The following SCN2A variants were observed in gnomAD, a reference collection of about 807,000 sequenced individuals.
The protein encoded by SCN2A is sodium voltage-gated channel alpha subunit 2, also known as sodium channel protein type 2 subunit alpha.
Under a neutral mutation model 188.7 loss-of-function variants are expected in SCN2A, and 20 were observed. That is an observed-to-expected ratio of 0.11 (90% CI 0.07 to 0.15). The LOEUF is 0.15. Among genes scored for constraint, SCN2A ranks in the 10% least tolerant of loss-of-function variants. The probability of loss-of-function intolerance (pLI) is 1.00; values close to 1 mark genes in which losing one functional copy is unlikely to be tolerated. For missense variants in SCN2A, 1,278 were observed against 2,445.0 expected (o/e 0.52, Z 10.07); for synonymous variants, 804 against 833.1 (o/e 0.97, Z 0.60).
intron 16 of SCN2A, among the ~76,000 whole-genome samples, chr2:165,353,514 A>G (rs773156454): frequency 8.5e-5 from 13 of 152,140 alleles, no homozygotes; most frequent in African/African-American, 3.1e-4. Context: ...AATACCTGAG[A>G]CTGGGTAATT....
chr2:165,361,990 T>A (rs1390757243), intron 17 of SCN2A, among the ~76,000 whole-genome samples: 2 of 152,074 alleles, frequency 1.3e-5, no homozygotes, highest in Non-Finnish European at 2.9e-5. Context: ...TGTATTCTTT[T>A]GAATGTGAAA....
chr2:165,358,647 A>C (rs1475898061), intron 17 of SCN2A, among the ~76,000 whole-genome samples: 1 of 152,052 alleles, frequency 6.6e-6, no homozygotes, highest in Non-Finnish European at 1.5e-5. Context: ...CCTTCTAAAA[A>C]TAGATTTAGA....
At chr2:165,294,563 T>C (rs1212962310) in intron 1 of SCN2A, among the ~76,000 whole-genome samples, 2 of 151,578 alleles carry the variant, frequency 1.3e-5, no homozygotes, top group Non-Finnish European at 2.9e-5. Context: ...CACATTTCAC[T>C]CTTAGAAAAT....
Position 165,323,184 on chromosome 2 carries a change from T to C in SCN2A, c.1700T>C (p.Phe567Ser). 2 of 1,614,188 alleles carry C rather than the reference T, an allele frequency of 1.2e-6. No homozygotes were observed. The highest frequency in any genetic ancestry group is 1.3e-5 in the African/African-American group (1 of 75,042). The change falls in exon 12 of 27, where the codon TTC (phenylalanine) becomes TCC (serine). Residue 567 changes from phenylalanine to serine, a missense_variant. Phe to Ser is a radical substitution (Grantham distance 155, BLOSUM62 -2). This residue lies in a region of SCN2A where 315 missense variants were observed against 386.6 expected (regional missense o/e 0.81). Coordinates refer to ENST00000375437, the MANE Select transcript of SCN2A (RefSeq NM_001040142.2). ...TTACTGAGCATCCGTGGCTCCCTTT[T>C]CTCTCCAAGACGCAACAGTAGGGCG... ...QSLLSIRGSL[F>S]SPRRNSRASL...
At chr2:165,252,689 G>A (rs1181845099) in intron 1 of SCN2A, among the ~76,000 whole-genome samples, 1 of 152,000 alleles carries the variant, frequency 6.6e-6, no homozygotes, top group Non-Finnish European at 1.5e-5. Flanking sequence ...TACAAGGTGG[G>A]GAAAGGGCAA....
At chr2:165,281,136 A>G (rs1187894987) in intron 1 of SCN2A, among the ~76,000 whole-genome samples, 1 of 152,118 alleles carries the variant, frequency 6.6e-6, no homozygotes, top group African/African-American at 2.4e-5. Flanking sequence ...TGGGAGGATC[A>G]CTGGAGCCCA....
intron 14 of SCN2A, among the ~76,000 whole-genome samples, chr2:165,335,293 C>A (rs1014128682): frequency 3.3e-5 from 5 of 151,438 alleles, no homozygotes; most frequent in Admixed American, 2.6e-4. Context: ...GACTATATGC[C>A]ACACAATCTT....
At position 165,288,056 on chromosome 2, in the gene SCN2A, C is replaced by T. The variant is rs867807115; in HGVS notation, c.-51-7717C>T. Among the ~76,000 whole-genome samples, 5 of 152,262 alleles carry T rather than the reference C, an allele frequency of 3.3e-5. No homozygotes were observed. In the South Asian group the frequency reaches 1.0e-3, roughly 32 times the overall value. ...CTCCCTCATTTGATTTGTGCACAACCTATTCCATCCTTTTGTTTGGCAGAA... is the reference window on the plus strand; with the variant it reads ...CTCCCTCATTTGATTTGTGCACAACTTATTCCATCCTTTTGTTTGGCAGAA... On this transcript the variant is annotated intron_variant, in intron 1 of 26. Transcript: ENST00000375437.
chr2:165,301,751 A>T (rs963325022), intron 3 of SCN2A, among the ~76,000 whole-genome samples: 1 of 152,212 alleles, frequency 6.6e-6, no homozygotes, highest in Non-Finnish European at 1.5e-5. Context: ...AATTGCACAA[A>T]GAACTTTATA....
intron 1 of SCN2A, among the ~76,000 whole-genome samples, chr2:165,290,168 G>C (rs1170615783): frequency 6.6e-6 from 1 of 152,048 alleles, no homozygotes; most frequent in Non-Finnish European, 1.5e-5. Flanking sequence ...GATCAGATCA[G>C]GGTTATTAGC....
chr2:165,282,361 G>A (rs1299151461), intron 1 of SCN2A, among the ~76,000 whole-genome samples: 2 of 152,142 alleles, frequency 1.3e-5, no homozygotes, highest in African/African-American at 4.8e-5. Flanking sequence ...GGTGGGAAGG[G>A]GAATTTGGCA....
chr2:165,379,304 T>G (rs1488704481), intron 23 of SCN2A, among the ~76,000 whole-genome samples: 1 of 151,594 alleles, frequency 6.6e-6, no homozygotes, highest in Non-Finnish European at 1.5e-5. Flanking sequence ...AAATACAACA[T>G]TGAGTTAAAG....
chr2:165,299,723 A>G (rs3769931), intron 3 of SCN2A, among the ~76,000 whole-genome samples: 39,404 of 152,022 alleles, frequency 0.26, 5,277 homozygotes, highest in African/African-American at 0.28. Context: ...CTAGACTTAA[A>G]TCCTGATTTT....
At chr2:165,312,266 C>G (rs1388310906) in intron 8 of SCN2A, among the ~76,000 whole-genome samples, 178 bp downstream of exon 8, 1 of 151,760 alleles carries the variant, frequency 6.6e-6, no homozygotes, top group Non-Finnish European at 1.5e-5. Context: ...TTCACACAGT[C>G]ATTTACTGCA....
chr2:165,370,293 T>C lies in SCN2A; in HGVS notation c.3843T>C (p.Ile1281=). 6.2e-7 allele frequency: 1 copy of C among 1,614,128 alleles called. No individual in the cohort carries two copies. Among genetic ancestry groups the C allele is most frequent in the Non-Finnish European group, 8.5e-7 (1 of 1,180,002 alleles). ...CCTGGTGCTGGCTAGACTTCCTGAT[T>C]GTTGATGTGAGTATGCTGCACTTTG... The part of the protein sequence containing the change: ...TNAWCWLDFL[I]VDVSLVSLTA... The change falls in exon 20 of 27, where the codon ATT becomes ATC. Residue 1281 remains isoleucine (I), a synonymous_variant. Transcript: ENST00000375437.
At chr2:165,307,255 C>T (rs1697187198) in intron 3 of SCN2A, among the ~76,000 whole-genome samples, 1 of 152,044 alleles carries the variant, frequency 6.6e-6, no homozygotes, top group Non-Finnish European at 1.5e-5. Flanking sequence ...ACTTTTATAA[C>T]CAAGTCAATT....
At chr2:165,317,638 C>T (rs143338273) in intron 11 of SCN2A, among the ~76,000 whole-genome samples, 32 of 152,210 alleles carry the variant, frequency 2.1e-4, no homozygotes, top group African/African-American at 7.2e-4. Context: ...AGGCTAGGCT[C>T]TGTCCTTCCT....
chr2:165,390,962 A>C lies in SCN2A; in HGVS notation c.*1138A>C, dbSNP rs974558968. Reference sequence around the variant, plus strand: ...CCCAGTGGTGCATGTTTGAGCAAACAAAAATGATGATTTAAGCACACTACT... The same window carrying C: ...CCCAGTGGTGCATGTTTGAGCAAACCAAAATGATGATTTAAGCACACTACT... On this transcript the variant is annotated 3_prime_UTR_variant, in exon 27 of 27. Transcript: ENST00000375437. 5.2e-5 allele frequency: 8 copies of C among 152,588 alleles called. No individual in the cohort carries two copies. The highest frequency in any genetic ancestry group is 1.9e-4 in the African/African-American group (8 of 41,442). 9.5% of individuals were successfully genotyped at this position (152,588 alleles called of 1,614,324 possible).
At position 165,388,717 on chromosome 2, in the gene SCN2A, A is replaced by G; in HGVS notation, c.4911A>G (p.Leu1637=). The G allele has an allele frequency of 6.2e-7, 1 of 1,613,954 alleles. No individual in the cohort carries two copies. The highest frequency in any genetic ancestry group is 1.1e-5 in the South Asian group (1 of 91,076). The part of the protein sequence containing the change: ...VIRLARIGRI[L]RLIKGAKGIR... ...GTCTTGCCAGGATTGGCCGAATCCTACGTCTGATCAAAGGAGCAAAGGGGA... is the reference window on the plus strand; with the variant it reads ...GTCTTGCCAGGATTGGCCGAATCCTGCGTCTGATCAAAGGAGCAAAGGGGA... Residue 1637 remains leucine, a synonymous_variant, in exon 27 of 27, where the codon CTA becomes CTG. Transcript: ENST00000375437.
Sources: gnomAD v4.1 joint callset for allele counts (sites outside exome capture counted in the v4.1 genomes callset) on GRCh38, gnomAD v4.1.1 for gene constraint, gnomAD v4.1.1 regional missense constraint, MANE v1.5 for transcripts, NCBI Gene and HGNC (gene_info 2026-07-23, HGNC 2026-07-21) for gene names.